FYB1: variants seen among roughly 807,000 people sequenced by gnomAD.
FYB1 encodes the protein FYN-binding protein 1.
Under a neutral mutation model 94.1 loss-of-function variants are expected in FYB1, and 41 were observed. The observed-to-expected ratio is 0.44, with a 90% confidence interval of 0.34 to 0.57. The LOEUF (loss-of-function observed/expected upper bound fraction) is 0.57. Among genes scored for constraint, FYB1 ranks in the 20% least tolerant of loss-of-function variants. The pLI, the probability that FYB1 is intolerant of heterozygous loss-of-function variation, is 0.02. For synonymous variants in FYB1, 367 were observed against 353.2 expected (o/e 1.04, Z -0.44); for missense variants, 1,050 against 976.8 (o/e 1.07, Z -1.00).
chr5:39,273,077 G>C (rs916636199), intron 1 of FYB1, among the ~76,000 whole-genome samples: 3 of 152,198 alleles, frequency 2.0e-5, no homozygotes, highest in African/African-American at 7.2e-5. Context: ...GGGCGCTTCT[G>C]CCCGGCCGCC....
chr5:39,117,447 C>T (rs1391004948), intron 16 of FYB1, among the ~76,000 whole-genome samples: 2 of 152,092 alleles, frequency 1.3e-5, no homozygotes, highest in African/African-American at 2.4e-5. Context: ...GGTAGATCCT[C>T]GCAAATCCTA....
At chr5:39,239,601 C>A (rs542525554) in intron 1 of FYB1, among the ~76,000 whole-genome samples, 1 of 151,890 alleles carries the variant, frequency 6.6e-6, no homozygotes, top group South Asian at 2.1e-4. Context: ...TACAGCTAAC[C>A]ATAGAGGGGA....
chr5:39,208,325 A>G (rs1047453019), intron 1 of FYB1, among the ~76,000 whole-genome samples: 1 of 152,232 alleles, frequency 6.6e-6, no homozygotes, highest in Non-Finnish European at 1.5e-5. Context: ...AAGCCCATAA[A>G]AAAGGGAATA....
chr5:39,262,150 GACA>G (rs1406357027), intron 1 of FYB1, among the ~76,000 whole-genome samples: 2 of 151,942 alleles, frequency 1.3e-5, no homozygotes, highest in Non-Finnish European at 2.9e-5. Context: ...TTTAAAATTT[GACA>G]ACATTAAGAT....
chr5:39,130,377 A>C lies in FYB1; in HGVS notation c.1840+213T>G, dbSNP rs546679085. ...AGTAGGGTGACTATAATTAACAATA[A>C]TACATTGTACATTTCAATATAGCCA... is the stretch of plus-strand genomic sequence containing the variant. On this transcript the variant is annotated intron_variant, in intron 10 of 18. Coordinates refer to ENST00000512982, the MANE Select transcript of FYB1 (RefSeq NM_001465.6). 1.6e-4 allele frequency among the ~76,000 whole-genome samples: 24 copies of C among 152,252 alleles called. No homozygotes were observed. In the East Asian group the frequency reaches 4.0e-3, roughly 26 times the overall value.
At chr5:39,172,622 C>G (rs1745351459) in intron 2 of FYB1, among the ~76,000 whole-genome samples, 1 of 152,054 alleles carries the variant, frequency 6.6e-6, no homozygotes, top group Admixed American at 6.6e-5. Context: ...CTAGTGGTCC[C>G]CAGGGTCTAT....
intron 1 of FYB1, among the ~76,000 whole-genome samples, chr5:39,242,672 G>A (rs1751266936): frequency 6.6e-6 from 1 of 152,044 alleles, no homozygotes; most frequent in Non-Finnish European, 1.5e-5. Flanking sequence ...GGATGGCTGG[G>A]TCAAATGGTA....
At chr5:39,173,625 G>A (rs1463559137) in intron 2 of FYB1, among the ~76,000 whole-genome samples, 1 of 152,164 alleles carries the variant, frequency 6.6e-6, no homozygotes, top group Admixed American at 6.5e-5. Context: ...TGTATATGCT[G>A]AGAGGCAGGT....
chr5:39,143,450 T>C (rs1742360553), intron 3 of FYB1, among the ~76,000 whole-genome samples: 1 of 146,150 alleles, frequency 6.8e-6, no homozygotes, highest in Non-Finnish European at 1.5e-5. Context: ...GATTATATTA[T>C]CTCTGGAGTG....
At chr5:39,238,552 A>T (rs1751068829) in intron 1 of FYB1, among the ~76,000 whole-genome samples, 1 of 152,034 alleles carries the variant, frequency 6.6e-6, no homozygotes, top group Non-Finnish European at 1.5e-5. Context: ...GTCATGTGAG[A>T]AAAAAAGTTG....
Position 39,130,579 on chromosome 5 carries a change from G to T in FYB1, c.1840+11C>A. ...ATTGTAAAATGTCATTTTAAGAAGC[G>T]TGTGGCTTACCTCCACTTCCACTCT... is the stretch of plus-strand genomic sequence containing the variant. On this transcript the variant is annotated intron_variant, in intron 10 of 18. Coordinates refer to ENST00000512982, the MANE Select transcript of FYB1 (RefSeq NM_001465.6). 1 of 1,568,692 alleles carries T rather than the reference G, an allele frequency of 6.4e-7. No homozygotes were observed. The highest frequency in any genetic ancestry group is 8.7e-7 in the Non-Finnish European group (1 of 1,153,786).
intron 17 of FYB1, among the ~76,000 whole-genome samples, 189 bp downstream of exon 17, chr5:39,110,167 A>C (rs1738926447): frequency 1.3e-5 from 2 of 152,294 alleles, no homozygotes; most frequent in Middle Eastern, 3.4e-3. Flanking sequence ...TATTTAAAAG[A>C]GTAGCACTTC....
intron 1 of FYB1, among the ~76,000 whole-genome samples, chr5:39,258,969 T>C (rs766602836): frequency 4.6e-5 from 7 of 152,132 alleles, no homozygotes; most frequent in Non-Finnish European, 7.4e-5. Flanking sequence ...GTAAGAGACA[T>C]GCTTTTCCCT....
chr5:39,274,181 C>T (rs1752734270), intron 1 of FYB1, among the ~76,000 whole-genome samples: 1 of 152,110 alleles, frequency 6.6e-6, no homozygotes, highest in Non-Finnish European at 1.5e-5. Flanking sequence ...CCTTGGCCTC[C>T]CAAAGTGCTG....
At position 39,137,631 on chromosome 5, in the gene FYB1, TTTTC is replaced by T; in HGVS notation, c.1480_1483del (p.Glu494ArgfsTer6). On this transcript the variant is annotated frameshift_variant, in exon 7 of 19. Transcript: ENST00000512982. LOFTEE classifies it high-confidence loss of function. Reference sequence around the variant, plus strand: ...TTTCTTCTTTATTTCTTGTTCTTTCTTTTCTTTCTCTTTCTGTTCCTTTTTCTCC... The same window carrying T: ...TTTCTTCTTTATTTCTTGTTCTTTCTTTTCTCTTTCTGTTCCTTTTTCTCC... 1 of 1,538,480 alleles carries T rather than the reference TTTTC, an allele frequency of 6.5e-7. No homozygotes were observed. Among genetic ancestry groups the T allele is most frequent in the Non-Finnish European group, 8.8e-7 (1 of 1,136,422 alleles).
intron 1 of FYB1, among the ~76,000 whole-genome samples, chr5:39,252,947 A>G (rs1751791013): frequency 6.6e-6 from 1 of 152,256 alleles, no homozygotes; most frequent in African/African-American, 2.4e-5. Flanking sequence ...AGCACTTAGT[A>G]AAATGTTAGC....
At chr5:39,188,006 G>A (rs1295828904) in intron 2 of FYB1, among the ~76,000 whole-genome samples, 1 of 152,172 alleles carries the variant, frequency 6.6e-6, no homozygotes, top group Non-Finnish European at 1.5e-5. Flanking sequence ...GGTGGCAAGA[G>A]TCGTTGATTA....
chr5:39,179,575 T>C (rs1336054455), intron 2 of FYB1, among the ~76,000 whole-genome samples: 1 of 147,190 alleles, frequency 6.8e-6, no homozygotes, highest in Admixed American at 7.0e-5. Flanking sequence ...AGACAGAGTG[T>C]TGCTCAGTTG....
intron 2 of FYB1, among the ~76,000 whole-genome samples, chr5:39,186,638 C>CTTTTTTTTT (rs56144868): frequency 3.9e-5 from 3 of 76,354 alleles, no homozygotes; most frequent in Non-Finnish European, 7.5e-5. Flanking sequence ...CAATTGGATG[C>CTTTTTTTTT]TTTTTTTTTT....
Sources: allele counts gnomAD v4.1 joint callset (sites outside exome capture counted in the v4.1 genomes callset), GRCh38; gene constraint gnomAD v4.1.1; transcripts MANE v1.5; gene names NCBI Gene and HGNC (gene_info 2026-07-23, HGNC 2026-07-21).